Variants in PGM5 observed in about 807,000 individuals in gnomAD.
The protein encoded by PGM5 is phosphoglucomutase 5.
Under a neutral mutation model 59.2 loss-of-function variants are expected in PGM5, and 23 were observed. The observed-to-expected ratio is 0.39, with a 90% CI of 0.28 to 0.55. The LOEUF (loss-of-function observed/expected upper bound fraction) is 0.55, where lower values mean the gene tolerates loss of function less well. PGM5 is among the 20% of genes least tolerant of loss of function. PGM5 has a pLI of 0.66. For missense variants in PGM5, 574 were observed against 748.3 expected (o/e 0.77, Z 2.72); for synonymous variants, 214 against 286.0 (o/e 0.75, Z 2.54).
chr9:68,514,072 T>C (rs1400353237), intron 10 of PGM5, among the ~76,000 whole-genome samples: 1 of 152,264 alleles, frequency 6.6e-6, no homozygotes, highest in Non-Finnish European at 1.5e-5. Context: ...ACCTGGTTGC[T>C]ACTTAGAAAT....
At chr9:68,478,456 T>C (rs376819985) in intron 7 of PGM5, among the ~76,000 whole-genome samples, 1 of 152,322 alleles carries the variant, frequency 6.6e-6, no homozygotes, top group African/African-American at 2.4e-5. Flanking sequence ...ACCCTAACTA[T>C]CTGTATTAAT....
At chr9:68,470,058 T>C (rs970053358) in intron 7 of PGM5, among the ~76,000 whole-genome samples, 6 of 152,188 alleles carry the variant, frequency 3.9e-5, no homozygotes, top group African/African-American at 1.4e-4. Flanking sequence ...ATATAATCTT[T>C]AAATATTTTC....
At chr9:68,477,196 A>C (rs1006306877) in intron 7 of PGM5, among the ~76,000 whole-genome samples, 2 of 152,218 alleles carry the variant, frequency 1.3e-5, no homozygotes, top group Admixed American at 6.5e-5. Context: ...ACCCAGAGGC[A>C]ACCACAACTG....
chr9:68,449,799 G>A (rs1823667259), intron 6 of PGM5, among the ~76,000 whole-genome samples: 1 of 152,232 alleles, frequency 6.6e-6, no homozygotes, highest in Non-Finnish European at 1.5e-5. Flanking sequence ...TGCAGGAACT[G>A]AGGATAAGAG....
intron 10 of PGM5, among the ~76,000 whole-genome samples, chr9:68,509,100 G>A (rs565713320): frequency 3.2e-4 from 48 of 152,262 alleles, no homozygotes; most frequent in African/African-American, 1.1e-3. Flanking sequence ...GAGCTGTTAA[G>A]GGGAGAATGT....
intron 4 of PGM5, among the ~76,000 whole-genome samples, chr9:68,388,691 T>C (rs1822289484): frequency 6.6e-6 from 1 of 152,100 alleles, no homozygotes; most frequent in Non-Finnish European, 1.5e-5. Context: ...TTGACTGATA[T>C]GGAAATCTAA....
At chr9:68,507,116 C>G (rs554759961) in intron 10 of PGM5, among the ~76,000 whole-genome samples, 1 of 152,114 alleles carries the variant, frequency 6.6e-6, no homozygotes, top group Non-Finnish European at 1.5e-5. Flanking sequence ...TTTTATTTTT[C>G]TCCTCAGAAT....
At chr9:68,425,315 G>T (rs572929975) in intron 6 of PGM5, among the ~76,000 whole-genome samples, 43 of 152,304 alleles carry the variant, frequency 2.8e-4, no homozygotes, top group African/African-American at 9.4e-4. Context: ...GGCAGGCAGG[G>T]CCCACAGTGA....
intron 7 of PGM5, among the ~76,000 whole-genome samples, chr9:68,468,668 C>T (rs1823974818): frequency 6.6e-6 from 1 of 152,166 alleles, no homozygotes; most frequent in South Asian, 2.1e-4. Context: ...TTTCCCCCTC[C>T]CCGTTAACAG....
intron 1 of PGM5, among the ~76,000 whole-genome samples, chr9:68,370,138 G>A (rs1834756956): frequency 6.6e-6 from 1 of 152,084 alleles, no homozygotes; most frequent in African/African-American, 2.4e-5. Flanking sequence ...TATGGTCCTG[G>A]AGAACACTTC....
chr9:68,367,861 G>GA (rs1554676820), intron 1 of PGM5, among the ~76,000 whole-genome samples: 2 of 150,464 alleles, frequency 1.3e-5, no homozygotes, highest in African/African-American at 4.9e-5. Context: ...ATTACTCAGA[G>GA]AAAACACATG....
chr9:68,361,701 G>T (rs1177560526), intron 1 of PGM5, among the ~76,000 whole-genome samples: 18 of 152,138 alleles, frequency 1.2e-4, no homozygotes, highest in African/African-American at 3.6e-4. Flanking sequence ...CTGTCCTTAT[G>T]ATCTAATGAC....
chr9:68,524,415 G>T (rs1286755015), intron 10 of PGM5, among the ~76,000 whole-genome samples: 4 of 152,130 alleles, frequency 2.6e-5, no homozygotes, highest in African/African-American at 4.8e-5. Context: ...TTGGTTTGGA[G>T]CAAGATAAGC....
intron 6 of PGM5, among the ~76,000 whole-genome samples, chr9:68,395,334 T>C (rs1822472270): frequency 1.3e-5 from 2 of 152,178 alleles, no homozygotes. Flanking sequence ...CACTGATCCA[T>C]TTGTTGATTC....
intron 6 of PGM5, among the ~76,000 whole-genome samples, chr9:68,457,929 G>A (rs931991920): frequency 2.1e-4 from 32 of 152,310 alleles, no homozygotes; most frequent in Non-Finnish European, 2.6e-4. Flanking sequence ...ATGGAAGCCT[G>A]AAGGATAGCT....
chr9:68,417,172 A>G (rs1457836836), intron 6 of PGM5, among the ~76,000 whole-genome samples: 2 of 152,242 alleles, frequency 1.3e-5, no homozygotes, highest in African/African-American at 4.8e-5. Context: ...CAGCACAGCT[A>G]GGTAAAGTAG....
chr9:68,485,544 C>T (rs1051706034), intron 9 of PGM5, among the ~76,000 whole-genome samples: 24 of 152,260 alleles, frequency 1.6e-4, no homozygotes, highest in Middle Eastern at 3.4e-3. Flanking sequence ...TGTGTTTGCT[C>T]CTCCCTCGCC....
intron 8 of PGM5, among the ~76,000 whole-genome samples, chr9:68,480,851 A>G (rs1368113069): frequency 6.6e-6 from 1 of 152,184 alleles, no homozygotes; most frequent in African/African-American, 2.4e-5. Flanking sequence ...TAAGTAAATG[A>G]AAGTAAGAGT....
At chr9:68,455,528 G>T (rs1378121885) in intron 6 of PGM5, among the ~76,000 whole-genome samples, 2 of 151,486 alleles carry the variant, frequency 1.3e-5, no homozygotes, top group East Asian at 1.9e-4. Flanking sequence ...AAACAGGAAA[G>T]GTTTTGAGTT....
Sources: gnomAD v4.1 joint callset for allele counts (sites outside exome capture counted in the v4.1 genomes callset) on GRCh38, gnomAD v4.1.1 for gene constraint, MANE v1.5 for transcripts, NCBI Gene and HGNC (gene_info 2026-07-23, HGNC 2026-07-21) for gene names.